The following SIDT1 variants were observed in gnomAD, a reference collection of about 807,000 sequenced individuals.
SIDT1 encodes the protein SID1 transmembrane family, member 1.
A neutral mutation model predicts 107.5 loss-of-function variants in SIDT1; 101 were observed. That is an observed-to-expected ratio of 0.94 (90% CI 0.80 to 1.11). The LOEUF (loss-of-function observed/expected upper bound fraction) is 1.11. Among genes scored for constraint, SIDT1 ranks in the 50% least tolerant of loss-of-function variants. The pLI is 0.00. For missense variants in SIDT1, 1,076 were observed against 1,058.2 expected, an observed-to-expected ratio of 1.02 and a Z score of -0.23; for synonymous variants, 395 against 398.2, an observed-to-expected ratio of 0.99 and a Z score of 0.10.
chr3:113,579,791 G>T (rs1379875249), intron 4 of SIDT1, among the ~76,000 whole-genome samples: 1 of 152,048 alleles, frequency 6.6e-6, no homozygotes, highest in African/African-American at 2.4e-5. Context: ...TTAATCATAG[G>T]CTTAATATAA....
intron 3 of SIDT1, among the ~76,000 whole-genome samples, chr3:113,568,446 T>C (rs1465277849): frequency 6.6e-6 from 1 of 151,502 alleles, no homozygotes; most frequent in Non-Finnish European, 1.5e-5. Context: ...TACAAAAAAT[T>C]AGCCAGGCAC....
intron 3 of SIDT1, among the ~76,000 whole-genome samples, chr3:113,574,006 AGCAGCTG>A (rs1434263052): frequency 6.6e-6 from 1 of 152,162 alleles, no homozygotes; most frequent in African/African-American, 2.4e-5. Context: ...TACTCCTAGA[AGCAGCTG>A]GTTTGTGAAG....
intron 9 of SIDT1, among the ~76,000 whole-genome samples, chr3:113,586,853 G>A (rs370961466): frequency 9.2e-5 from 14 of 152,304 alleles, no homozygotes; most frequent in Middle Eastern, 3.4e-3. Context: ...CTATTAAAAT[G>A]TGTCATAAAA....
At chr3:113,581,519 C>A in intron 6 of SIDT1, 75 bp downstream of exon 6, 1 of 1,180,010 alleles carries the variant, frequency 8.5e-7, no homozygotes, top group Non-Finnish European at 1.3e-6. Flanking sequence ...GGCCAGCATC[C>A]AAAAGGGATG....
chr3:113,580,813 C>T (rs1005787331), intron 5 of SIDT1, 104 bp downstream of exon 5: 220 of 757,862 alleles, frequency 2.9e-4, no homozygotes, highest in Non-Finnish European at 3.3e-4. Context: ...CTGTGTATCT[C>T]CCTTCCAAAA....
At chr3:113,576,446 C>A (rs1942906293) in intron 3 of SIDT1, among the ~76,000 whole-genome samples, 1 of 152,100 alleles carries the variant, frequency 6.6e-6, no homozygotes. Flanking sequence ...ATGTGGTTAT[C>A]TATTCACTGT....
intron 3 of SIDT1, among the ~76,000 whole-genome samples, chr3:113,572,833 G>A (rs1161449292): frequency 6.6e-6 from 1 of 152,162 alleles, no homozygotes; most frequent in Non-Finnish European, 1.5e-5. Flanking sequence ...TGTTTTAAGA[G>A]GAGAGAGTGT....
intron 1 of SIDT1, among the ~76,000 whole-genome samples, chr3:113,548,254 A>G (rs1939818682): frequency 6.6e-6 from 1 of 152,098 alleles, no homozygotes; most frequent in Non-Finnish European, 1.5e-5. Flanking sequence ...TCTGTATTTT[A>G]CATTGGGGTT....
At position 113,591,128 on chromosome 3, in the gene SIDT1, CT is replaced by C. The variant is rs146386217; in HGVS notation, c.1002-1876del. Among the ~76,000 whole-genome samples, 723 of 152,286 alleles carry C rather than the reference CT, an allele frequency of 4.7e-3. 5 individuals carry two copies. The highest frequency in any genetic ancestry group is 7.6e-3 in the Non-Finnish European group (519 of 68,030). ...TATACTTTGCAGATGGAGGAAGGGG[CT>C]GTGAGTCAGGAAATACAGGCTGCCT... On this transcript the variant is annotated intron_variant, in intron 9 of 24. Coordinates refer to ENST00000264852, the MANE Select transcript of SIDT1 (RefSeq NM_017699.3).
At chr3:113,534,032 A>G (rs1378432779) in intron 1 of SIDT1, among the ~76,000 whole-genome samples, 2 of 152,172 alleles carry the variant, frequency 1.3e-5, no homozygotes, top group African/African-American at 4.8e-5. Context: ...TCTTTCCTCT[A>G]GTGTGGTACC....
At chr3:113,578,476 A>C (rs1943089641) in intron 4 of SIDT1, among the ~76,000 whole-genome samples, 1 of 151,738 alleles carries the variant, frequency 6.6e-6, no homozygotes, top group Non-Finnish European at 1.5e-5. Context: ...CAAAAAAAAA[A>C]AAAAAAAGAA....
rs1475764495 is a variant in SIDT1 at position 113,576,935 on chromosome 3, T to C, written c.529T>C (p.Phe177Leu). The change falls in exon 4 of 25, where the codon TTT becomes CTT. Residue 177 changes from phenylalanine (F) to leucine (L), a missense_variant. Phe to Leu is a conservative substitution (Grantham distance 22). Coordinates refer to ENST00000264852, the MANE Select transcript of SIDT1 (RefSeq NM_017699.3). ...TACGTTTCTCAGGACAAATGTTGCC[T>C]TTCACTTTACTGCCAGCCCCTCTCA... is the stretch of plus-strand genomic sequence containing the variant. ...KHFQLRTNVAFHFTASPSQPQ... is the reference protein window; with the variant it reads ...KHFQLRTNVALHFTASPSQPQ... 1.2e-6 allele frequency: 2 copies of C among 1,614,092 alleles called. No homozygotes were observed. The highest frequency in any genetic ancestry group is 2.7e-5 in the African/African-American group (2 of 74,946).
At chr3:113,564,276 T>A (rs1323604322) in intron 1 of SIDT1, among the ~76,000 whole-genome samples, 1 of 152,188 alleles carries the variant, frequency 6.6e-6, no homozygotes, top group Non-Finnish European at 1.5e-5. Context: ...GGTGGGGGTG[T>A]ATGGGAAATA....
chr3:113,625,970 A>G, intron 23 of SIDT1, 132 bp from the exon 24 acceptor site: 1 of 697,270 alleles, frequency 1.4e-6, no homozygotes, highest in Middle Eastern at 2.5e-4. Flanking sequence ...TTTTGTGTGG[A>G]TGGATGTTTT....
At chr3:113,540,125 A>G (rs535664789) in intron 1 of SIDT1, among the ~76,000 whole-genome samples, 7 of 152,336 alleles carry the variant, frequency 4.6e-5, no homozygotes, top group African/African-American at 1.7e-4. Context: ...CAACCTGCAC[A>G]GAGATCACAT....
chr3:113,597,529 G>A (rs1944661183), intron 10 of SIDT1, among the ~76,000 whole-genome samples: 1 of 148,142 alleles, frequency 6.8e-6, no homozygotes, highest in South Asian at 2.1e-4. Context: ...AATCATGCTA[G>A]CTAGTTCCCA....
chr3:113,601,722 G>A (rs1176023693), intron 11 of SIDT1, 63 bp downstream of exon 11: 14 of 1,182,126 alleles, frequency 1.2e-5, no homozygotes, highest in Admixed American at 2.1e-5. Flanking sequence ...ATGATAGAAA[G>A]GCATTCCAGC....
intron 21 of SIDT1, among the ~76,000 whole-genome samples, chr3:113,621,626 G>A (rs1464506366): frequency 1.3e-5 from 2 of 152,082 alleles, no homozygotes; most frequent in Non-Finnish European, 2.9e-5. Flanking sequence ...GAAGAGAGAC[G>A]TCAGGTCCTG....
intron 23 of SIDT1, among the ~76,000 whole-genome samples, chr3:113,624,599 A>C (rs1946712169): frequency 6.6e-6 from 1 of 152,232 alleles, no homozygotes; most frequent in Admixed American, 6.5e-5. Context: ...TAAAATATAC[A>C]TATAAAATTT....
Sources: allele counts gnomAD v4.1 joint callset (sites outside exome capture counted in the v4.1 genomes callset), GRCh38; gene constraint gnomAD v4.1.1; transcripts MANE v1.5; gene names NCBI Gene and HGNC (gene_info 2026-07-23, HGNC 2026-07-21).